The following DLL4 variants were observed in gnomAD, a reference collection of about 807,000 sequenced individuals.
DLL4 encodes delta like canonical Notch ligand 4.
In DLL4, 7 loss-of-function variants were observed where a neutral mutation model predicts 73.6. That is an observed-to-expected ratio of 0.10 (90% confidence interval 0.05 to 0.18). DLL4 has a LOEUF of 0.18. DLL4 is among the 10% of genes least tolerant of loss of function. DLL4 has a pLI of 1.00. For synonymous variants in DLL4, 345 were observed against 374.3 expected (o/e 0.92, Z 0.90); for missense variants, 614 against 929.9 (o/e 0.66, Z 4.42).
chr15:40,935,551 C>T (rs1892830566), intron 8 of DLL4, among the ~76,000 whole-genome samples: 1 of 152,212 alleles, frequency 6.6e-6, no homozygotes, highest in African/African-American at 2.4e-5. Context: ...TGAATGTTTG[C>T]ACCTTTTGAG....
intron 6 of DLL4, among the ~76,000 whole-genome samples, chr15:40,934,194 C>T (rs992911046): frequency 3.3e-5 from 5 of 151,338 alleles, no homozygotes; most frequent in Admixed American, 6.6e-5. Context: ...GGCACAGTGG[C>T]GCATGCCTGT....
rs1892758190 is a variant in DLL4 at position 40,930,765 on chromosome 15, G to C, written c.394+83G>C. The C allele has an allele frequency of 1.4e-6, 2 of 1,421,076 alleles. No homozygotes were observed. Among genetic ancestry groups the C allele is most frequent in the East Asian group, 2.4e-5 (1 of 41,524 alleles). The allele number at this position is 1,421,076 out of a possible 1,614,324, so 88.0% of individuals were successfully genotyped here. Reference sequence around the variant, plus strand: ...AATCTGTTCTAGGCGGGGGAAGTGCGGGCTTGGGGGTGGGAGGCAGGACGC... The same window carrying C: ...AATCTGTTCTAGGCGGGGGAAGTGCCGGCTTGGGGGTGGGAGGCAGGACGC... On this transcript the variant is annotated intron_variant, in intron 3 of 10. Transcript: ENST00000249749. The surrounding 1 kb of genome is among the most constrained non-coding windows in gnomAD (Gnocchi z 5.7).
intron 6 of DLL4, 69 bp downstream of exon 6, chr15:40,932,516 C>G: frequency 1.9e-6 from 3 of 1,576,466 alleles, no homozygotes; most frequent in Non-Finnish European, 8.7e-7. Context: ...AAATCCGATT[C>G]GTCACCTGGA....
At chr15:40,934,065 C>A (rs560093735) in intron 6 of DLL4, among the ~76,000 whole-genome samples, 1 of 143,980 alleles carries the variant, frequency 6.9e-6, no homozygotes, top group East Asian at 2.0e-4. Context: ...AGGCTGGGTG[C>A]GATGGCCTGT....
chr15:40,936,742 T>C lies in DLL4; in HGVS notation c.1755T>C (p.Leu585=), dbSNP rs1178464214. Residue 585 remains leucine, a synonymous_variant, in exon 9 of 11, where the codon CTT becomes CTC. Coordinates refer to ENST00000249749, the MANE Select transcript of DLL4 (RefSeq NM_019074.4). The part of the protein sequence containing the change: ...QKDNLIPAAQ[L]KNTNQKKELE... Reference sequence around the variant, plus strand: ...ACAACCTGATTCCTGCCGCCCAGCTTAAAAACACAAACCAGAAGAAGGAGC... The same window carrying C: ...ACAACCTGATTCCTGCCGCCCAGCTCAAAAACACAAACCAGAAGAAGGAGC... 3 of 1,613,704 alleles carry C rather than the reference T, an allele frequency of 1.9e-6. No individual in the cohort carries two copies. Among genetic ancestry groups the C allele is most frequent in the East Asian group, 4.5e-5 (2 of 44,896 alleles).
Position 40,930,469 on chromosome 15 carries a change from C to A in DLL4, c.337-156C>A. 1 of 705,540 alleles carries A rather than the reference C, an allele frequency of 1.4e-6. No individual in the cohort carries two copies. Among genetic ancestry groups the A allele is most frequent in the Non-Finnish European group, 2.5e-6 (1 of 400,684 alleles). The allele number at this position is 705,540 out of a possible 1,614,324, so 43.7% of individuals were successfully genotyped here. Reference sequence around the variant, plus strand: ...GGGGGTTCTCCTCTCGCCTTCCCTGCTCAAGCGCTACACTGTGCACAGCCC... The same window carrying A: ...GGGGGTTCTCCTCTCGCCTTCCCTGATCAAGCGCTACACTGTGCACAGCCC... On this transcript the variant is annotated intron_variant, in intron 2 of 10. Coordinates refer to ENST00000249749, the MANE Select transcript of DLL4 (RefSeq NM_019074.4). This position sits in a 1 kb window ranked among gnomAD's most constrained non-coding sequence, Gnocchi z 5.7.
Position 40,933,041 on chromosome 15 carries a change from G to A in DLL4, c.850+594G>A, listed in dbSNP as rs1892790870. Among the ~76,000 whole-genome samples the A allele has an allele frequency of 2.0e-5, 3 of 152,196 alleles. No individual in the cohort carries two copies. The South Asian group carries it at 6.2e-4, about 31-fold the overall frequency. On this transcript the variant is annotated intron_variant, in intron 6 of 10. Coordinates refer to ENST00000249749, the MANE Select transcript of DLL4 (RefSeq NM_019074.4). ...GGTAGTCACTCTCTGGCTATACAGG[G>A]GCCTTTCAGCCCCAACCTTGGGGGA...
chr15:40,930,512 C>T lies in DLL4; in HGVS notation c.337-113C>T. 2 of 874,900 alleles carry T rather than the reference C, an allele frequency of 2.3e-6. No individual in the cohort carries two copies. The highest frequency in any genetic ancestry group is 3.7e-6 in the Non-Finnish European group (2 of 536,684). 54.2% of individuals were successfully genotyped at this position (874,900 alleles called of 1,614,324 possible). ...CACAGCCCCGTTATGTTGACCCGGG[C>T]GCAGTAACTGAATCCTGCAATTAGA... is the stretch of plus-strand genomic sequence containing the variant. On this transcript the variant is annotated intron_variant, in intron 2 of 10. Transcript: ENST00000249749. This position sits in a 1 kb window ranked among gnomAD's most constrained non-coding sequence, Gnocchi z 5.7.
chr15:40,932,021 T>G, intron 4 of DLL4, 150 bp from the exon 5 acceptor site: 1 of 973,470 alleles, frequency 1.0e-6, no homozygotes, highest in Non-Finnish European at 1.5e-6. Context: ...GTGCCATTAT[T>G]TCACTTTAAG....
In DLL4 at chr15:40,936,878, T is replaced by A. The variant is rs967504602; in HGVS notation, c.1891T>A (p.Phe631Ile). The A allele has an allele frequency of 6.2e-7, 1 of 1,612,584 alleles. No individual in the cohort carries two copies. Among genetic ancestry groups the A allele is most frequent in the Non-Finnish European group, 8.5e-7 (1 of 1,179,694 alleles). ...PLGRGTMPGK[F>I]PHSDKSLGEK... is the part of the protein sequence containing the mutation. ...GGGGCGGGGGACCATGCCAGGAAAGTTTCCCCACAGTGACAAGAGCTTAGG... is the reference window on the plus strand; with the variant it reads ...GGGGCGGGGGACCATGCCAGGAAAGATTCCCCACAGTGACAAGAGCTTAGG... The change falls in exon 9 of 11, where the codon TTT (phenylalanine) becomes ATT (isoleucine). Residue 631 changes from phenylalanine to isoleucine, a missense_variant. Physicochemically the swap from Phe to Ile is conservative, Grantham distance 21 (BLOSUM62 0). Coordinates refer to ENST00000249749, the MANE Select transcript of DLL4 (RefSeq NM_019074.4).
At position 40,930,377 on chromosome 15, in the gene DLL4, T is replaced by C. The variant is rs1297516587; in HGVS notation, c.337-248T>C. The C allele has an allele frequency of 1.3e-5, 8 of 631,146 alleles. No homozygotes were observed. Among genetic ancestry groups the C allele is most frequent in the Non-Finnish European group, 2.8e-6 (1 of 356,990 alleles). The allele number at this position is 631,146 out of a possible 1,614,324, so 39.1% of individuals were successfully genotyped here. A position where few individuals can be genotyped will look rare whatever the true frequency, so the allele number is the denominator to read the frequency against. On this transcript the variant is annotated intron_variant, in intron 2 of 10. Coordinates refer to ENST00000249749, the MANE Select transcript of DLL4 (RefSeq NM_019074.4). The surrounding 1 kb of genome is among the most constrained non-coding windows in gnomAD (Gnocchi z 5.7). ...TTCATTACCTACCACTCTGGGGCGG[T>C]ACCCTACCACCCCCTCCTCCAGTGG...
Position 40,936,730 on chromosome 15 carries a change from T to C in DLL4, c.1743T>C (p.Pro581=). 2 of 1,613,882 alleles carry C rather than the reference T, an allele frequency of 1.2e-6. No individual in the cohort carries two copies. The highest frequency in any genetic ancestry group is 2.2e-5 in the South Asian group (2 of 91,088). The part of the protein sequence containing the change: ...LSDFQKDNLI[P]AAQLKNTNQK... ...ACTTCCAGAAGGACAACCTGATTCC[T>C]GCCGCCCAGCTTAAAAACACAAACC... is the stretch of plus-strand genomic sequence containing the variant. The change falls in exon 9 of 11, where the codon CCT becomes CCC. Residue 581 remains proline, a synonymous_variant. Transcript: ENST00000249749.
intron 10 of DLL4, 23 bp from the exon 11 acceptor site, chr15:40,938,006 C>G (rs1196027251): frequency 1.2e-6 from 2 of 1,602,788 alleles, no homozygotes; most frequent in Non-Finnish European, 1.7e-6. Context: ...TAACCTGTTT[C>G]CCTGCCTTCC....
chr15:40,931,909 T>C (rs1347076917), intron 4 of DLL4, 143 bp downstream of exon 4: 1 of 1,140,810 alleles, frequency 8.8e-7, no homozygotes, highest in Non-Finnish European at 1.2e-6. Flanking sequence ...GAGGGTGGGC[T>C]TGACCTCAGA....
chr15:40,935,569 G>A (rs187946479), intron 8 of DLL4, among the ~76,000 whole-genome samples: 2 of 152,196 alleles, frequency 1.3e-5, no homozygotes. Flanking sequence ...GAGGCACAAA[G>A]CCTGTTGGTA....
Position 40,929,830 on chromosome 15 carries a change from C to T in DLL4, c.67-17C>T, listed in dbSNP as rs1892737444. 1 of 1,609,784 alleles carries T rather than the reference C, an allele frequency of 6.2e-7. No individual in the cohort carries two copies. Among genetic ancestry groups the T allele is most frequent in the South Asian group, 1.1e-5 (1 of 91,020 alleles). ...TGACCGGTCCCCTCCCTCCTTCCCT[C>T]GGTCCCTGTGCAATAGCGCGCGGCC... is the stretch of plus-strand genomic sequence containing the variant. On this transcript the variant is annotated splice_polypyrimidine_tract_variant and intron_variant, in intron 1 of 10. Transcript: ENST00000249749. This position sits in a 1 kb window ranked among gnomAD's most constrained non-coding sequence, Gnocchi z 7.1.
At position 40,929,655 on chromosome 15, in the gene DLL4, C is replaced by T; in HGVS notation, c.-14C>T. ...ATTGAGGGCCCGCGGGTGGAGAGAG[C>T]GACGCCCGAGGGGATGGCGGCAGCG... On this transcript the variant is annotated 5_prime_UTR_variant, in exon 1 of 11. Transcript: ENST00000249749. This position sits in a 1 kb window ranked among gnomAD's most constrained non-coding sequence, Gnocchi z 7.1. The T allele has an allele frequency of 6.6e-7, 1 of 1,522,838 alleles. No homozygotes were observed. Among genetic ancestry groups the T allele is most frequent in the Non-Finnish European group, 8.7e-7 (1 of 1,145,382 alleles). The allele number at this position is 1,522,838 out of a possible 1,614,324, so 94.3% of individuals were successfully genotyped here. A position where few individuals can be genotyped will look rare whatever the true frequency, so the allele number is the denominator to read the frequency against.
At chr15:40,935,898 G>T (rs896988803) in intron 8 of DLL4, among the ~76,000 whole-genome samples, 1 of 152,174 alleles carries the variant, frequency 6.6e-6, no homozygotes, top group Non-Finnish European at 1.5e-5. Flanking sequence ...CTAACAAATG[G>T]GGAAACTGAG....
rs1892782918 is a variant in DLL4, at chr15:40,932,375, C to T, written c.778C>T (p.Arg260Cys). Reference sequence around the variant, plus strand: ...CGAATGCATCCCCCACAATGGCTGTCGCCACGGCACCTGCAGCACTCCCTG... The same window carrying T: ...CGAATGCATCCCCCACAATGGCTGTTGCCACGGCACCTGCAGCACTCCCTG... ...CNECIPHNGC[R>C]HGTCSTPWQC... The change falls in exon 6 of 11, where the codon CGC becomes TGC. Residue 260 changes from arginine to cysteine, a missense_variant. Arg to Cys is a radical substitution (Grantham distance 180, BLOSUM62 -3). Transcript: ENST00000249749. 3 of 1,613,944 alleles carry T rather than the reference C, an allele frequency of 1.9e-6. No individual in the cohort carries two copies. The highest frequency in any genetic ancestry group is 2.5e-6 in the Non-Finnish European group (3 of 1,179,902).
Sources: allele counts gnomAD v4.1 joint callset (sites outside exome capture counted in the v4.1 genomes callset), GRCh38; gene constraint gnomAD v4.1.1; non-coding constraint Gnocchi (gnomAD v3.1); transcripts MANE v1.5; gene names NCBI Gene and HGNC (gene_info 2026-07-23, HGNC 2026-07-21).